PPARGC1A: variants seen among roughly 807,000 people sequenced by gnomAD.
PPARGC1A encodes the protein peroxisome proliferator-activated receptor gamma coactivator 1-alpha.
Under a neutral mutation model 88.7 loss-of-function variants are expected in PPARGC1A, and 25 were observed. The observed-to-expected ratio is 0.28, with a 90% confidence interval of 0.21 to 0.39. PPARGC1A has a LOEUF of 0.39. Among genes scored for constraint, PPARGC1A ranks in the 10% least tolerant of loss-of-function variants. The pLI, the probability that PPARGC1A is intolerant of heterozygous loss-of-function variation, is 1.00. For synonymous variants in PPARGC1A, 363 were observed against 355.6 expected, an observed-to-expected ratio of 1.02 and a Z score of -0.24; for missense variants, 880 against 968.7, an observed-to-expected ratio of 0.91 and a Z score of 1.22.
the PPARGC1A span, among the ~76,000 whole-genome samples, chr4:24,361,060 G>A: frequency 4.3e-4 from 66 of 152,218 alleles, no homozygotes; most frequent in Non-Finnish European, 9.4e-4. Context: ...ACGAGGCAAG[G>A]GCCTGCATAA....
At chr4:24,181,336 A>G in the PPARGC1A span, among the ~76,000 whole-genome samples, 3 of 152,206 alleles carry the variant, frequency 2.0e-5, no homozygotes, top group East Asian at 5.8e-4. Flanking sequence ...AAATTGTTTT[A>G]TTTCCCTCAT....
chr4:24,001,744 T>C, the PPARGC1A span, among the ~76,000 whole-genome samples: 1 of 152,242 alleles, frequency 6.6e-6, no homozygotes, highest in Non-Finnish European at 1.5e-5. Flanking sequence ...GAGCTTTAAC[T>C]GCTACAAACT....
chr4:23,875,953 T>C (rs780367174), intron 2 of PPARGC1A: 5 of 152,230 alleles, frequency 3.3e-5, no homozygotes, highest in African/African-American at 7.2e-5. Context: ...CTATGTGCTT[T>C]TTTCAACTTT....
At chr4:23,895,982 A>G (rs201770695) in intron 1 of PPARGC1A, among the ~76,000 whole-genome samples, 1,051 of 14,242 alleles carry the variant, frequency 0.074, 3 homozygotes, top group South Asian at 0.11. Context: ...GTGTGTGTGT[A>G]TATATATATA....
At chr4:23,902,460 G>A (rs1039214398), upstream of PPARGC1A, among the ~76,000 whole-genome samples, 1 of 152,164 alleles carries the variant, frequency 6.6e-6, no homozygotes, top group South Asian at 2.1e-4. Context: ...ATTGAATGCT[G>A]TGCAATCATT....
At chr4:24,177,480 G>A in the PPARGC1A span, among the ~76,000 whole-genome samples, 713 of 151,544 alleles carry the variant, frequency 4.7e-3, 2 homozygotes, top group Middle Eastern at 0.017. Context: ...GTGGGGGGAA[G>A]GGGGAGGGAT....
At chr4:24,093,840 T>A in the PPARGC1A span, among the ~76,000 whole-genome samples, 2 of 152,220 alleles carry the variant, frequency 1.3e-5, no homozygotes, top group Non-Finnish European at 2.9e-5. Context: ...AGGTTACTCA[T>A]CTTCTCTGAG....
the PPARGC1A span, among the ~76,000 whole-genome samples, chr4:24,127,784 C>T: frequency 6.6e-6 from 1 of 151,860 alleles, no homozygotes; most frequent in South Asian, 2.1e-4. Context: ...GGAAGAGTTA[C>T]ATAAACACGG....
the PPARGC1A span, among the ~76,000 whole-genome samples, chr4:24,377,636 G>T: frequency 6.6e-6 from 1 of 152,146 alleles, no homozygotes; most frequent in East Asian, 1.9e-4. Context: ...ATGTGTCTGT[G>T]TGAAAAGTGT....
chr4:23,897,555 TCAGG>T (rs1479503484), intron 1 of PPARGC1A, among the ~76,000 whole-genome samples: 2 of 152,182 alleles, frequency 1.3e-5, no homozygotes, highest in Non-Finnish European at 2.9e-5. Flanking sequence ...GACAGACAAC[TCAGG>T]AAGCCTTCTT....
At chr4:24,163,247 AAAGT>A in the PPARGC1A span, among the ~76,000 whole-genome samples, 3 of 149,798 alleles carry the variant, frequency 2.0e-5, no homozygotes, top group Non-Finnish European at 4.4e-5. Flanking sequence ...GCCACTTCCA[AAAGT>A]AAGAGAGTTT....
the PPARGC1A span, among the ~76,000 whole-genome samples, chr4:24,066,935 C>A: frequency 1.5e-5 from 2 of 134,320 alleles, no homozygotes; most frequent in African/African-American, 5.8e-5. Flanking sequence ...TTGCTTTAGG[C>A]GGTGAAGGCC....
At chr4:24,287,733 A>G in the PPARGC1A span, among the ~76,000 whole-genome samples, 1 of 152,074 alleles carries the variant, frequency 6.6e-6, no homozygotes, top group Non-Finnish European at 1.5e-5. Context: ...CAAGGAAGAC[A>G]GCAGTAAAAA....
At chr4:24,403,093 A>C in the PPARGC1A span, among the ~76,000 whole-genome samples, 3 of 152,226 alleles carry the variant, frequency 2.0e-5, no homozygotes, top group African/African-American at 7.2e-5. Context: ...GTTCAAGGTC[A>C]CATAGTTAAT....
chr4:24,311,209 C>T, the PPARGC1A span, among the ~76,000 whole-genome samples: 1 of 146,760 alleles, frequency 6.8e-6, no homozygotes, highest in Non-Finnish European at 1.5e-5. Context: ...ACGCCATTCT[C>T]CTGCCTCAGC....
At chr4:24,106,926 G>A in the PPARGC1A span, among the ~76,000 whole-genome samples, 1 of 152,166 alleles carries the variant, frequency 6.6e-6, no homozygotes, top group Non-Finnish European at 1.5e-5. Flanking sequence ...ATAATAAATG[G>A]TGGTTGCTTC....
chr4:24,326,581 C>T, the PPARGC1A span, among the ~76,000 whole-genome samples: 1 of 152,218 alleles, frequency 6.6e-6, no homozygotes, highest in Non-Finnish European at 1.5e-5. Flanking sequence ...CGCAAGGCTT[C>T]ACAGACAGCC....
the PPARGC1A span, among the ~76,000 whole-genome samples, chr4:24,280,841 AT>A: frequency 6.6e-6 from 1 of 152,220 alleles, no homozygotes; most frequent in Non-Finnish European, 1.5e-5. Context: ...TCTGGGACAC[AT>A]TTCTCAACAG....
the PPARGC1A span, among the ~76,000 whole-genome samples, chr4:24,349,419 G>A: frequency 6.6e-6 from 1 of 152,196 alleles, no homozygotes; most frequent in Non-Finnish European, 1.5e-5. Context: ...AGGGCCATCA[G>A]GTGGGGGCAT....
Sources: allele counts gnomAD v4.1 joint callset (sites outside exome capture counted in the v4.1 genomes callset), GRCh38; gene constraint gnomAD v4.1.1; transcripts MANE v1.5; gene names NCBI Gene and HGNC (gene_info 2026-07-23, HGNC 2026-07-21).